ZFHX3: variants seen among roughly 807,000 people sequenced by gnomAD.
ZFHX3 encodes the protein zinc finger homeobox 3.
Under a neutral mutation model 279.1 loss-of-function variants are expected in ZFHX3, and 42 were observed. The ratio of observed to expected loss-of-function variants is 0.15; its 90% CI spans 0.12 to 0.19. The LOEUF is 0.19. Ranked by LOEUF, ZFHX3 falls within the 10% of genes least tolerant of loss-of-function variation. The pLI is 1.00. For missense variants in ZFHX3, 4,981 were observed against 4,754.0 expected, an observed-to-expected ratio of 1.05 and a Z score of -1.40; for synonymous variants, 2,293 against 1,957.8, an observed-to-expected ratio of 1.17 and a Z score of -4.52.
chr16:72,963,653 CCT>C (rs1172728751), intron 1 of ZFHX3, among the ~76,000 whole-genome samples: 3 of 152,136 alleles, frequency 2.0e-5, no homozygotes, highest in African/African-American at 7.2e-5. Flanking sequence ...AAAACTCTAC[CCT>C]GTTACCCTGT....
At chr16:72,878,779 G>C (rs930201219) in intron 4 of ZFHX3, among the ~76,000 whole-genome samples, 2 of 152,190 alleles carry the variant, frequency 1.3e-5, no homozygotes, top group African/African-American at 4.8e-5. Context: ...CTGGGCCTCT[G>C]TACCAAGTCC....
chr16:73,165,647 C>T (rs1357776709), intron 5 of ZFHX3, among the ~76,000 whole-genome samples: 4 of 152,286 alleles, frequency 2.6e-5, no homozygotes, highest in African/African-American at 9.6e-5. Flanking sequence ...AATGGCAAAT[C>T]GCTGGAGTCT....
intron 2 of ZFHX3, among the ~76,000 whole-genome samples, chr16:73,505,191 T>C (rs1416236134): frequency 1.3e-5 from 2 of 152,152 alleles, no homozygotes; most frequent in Admixed American, 1.3e-4. Context: ...CAGATGAATG[T>C]GCTTGAAAAA....
chr16:73,463,724 A>T (rs1006183478), intron 2 of ZFHX3, among the ~76,000 whole-genome samples: 1 of 152,158 alleles, frequency 6.6e-6, no homozygotes, highest in African/African-American at 2.4e-5. Context: ...CCCTCATATC[A>T]TGAAGCACCA....
Position 72,950,746 on chromosome 16 carries a change from A to G in ZFHX3, c.2939T>C (p.Met980Thr), listed in dbSNP as rs891350747. 6.2e-7 allele frequency: 1 copy of G among 1,614,120 alleles called. No homozygotes were observed. The highest frequency in any genetic ancestry group is 1.7e-5 in the Admixed American group (1 of 60,016). Residue 980 changes from methionine (M) to threonine (T), a missense_variant, in exon 3 of 10, where the codon ATG (methionine) becomes ACG (threonine). Met to Thr is a moderately conservative substitution (Grantham distance 81). This residue lies in a region of ZFHX3 where 1,751 missense variants were observed against 1,770.0 expected (regional missense o/e 0.99). Transcript: ENST00000268489. ...SLSEDEWKAV[M>T]GDSYQCKLCR... ...GAGCTTGCACTGGTATGAGTCCCCC[A>G]TCACCGCCTTCCACTCGTCCTCCGA...
chr16:73,344,808 C>T (rs533900971), intron 3 of ZFHX3, among the ~76,000 whole-genome samples: 2 of 152,110 alleles, frequency 1.3e-5, no homozygotes, highest in South Asian at 4.2e-4. Context: ...TGGGGAAGCT[C>T]GATGAAGAGT....
At chr16:73,680,164 G>GAA (rs1218201833) in intron 2 of ZFHX3, 9 of 151,888 alleles carry the variant, frequency 5.9e-5, no homozygotes, top group African/African-American at 1.7e-4. Flanking sequence ...AAACAAATTG[G>GAA]AACGCTTCTA....
At chr16:73,378,069 A>AAAAAT (rs2016755562) in intron 3 of ZFHX3, among the ~76,000 whole-genome samples, 6 of 145,326 alleles carry the variant, frequency 4.1e-5, no homozygotes, top group Non-Finnish European at 4.5e-5. Context: ...AAAAAAAAAA[A>AAAAAT]TCTTATACAC....
chr16:73,542,622 G>A (rs2020038560), intron 2 of ZFHX3, among the ~76,000 whole-genome samples: 1 of 152,116 alleles, frequency 6.6e-6, no homozygotes, highest in Admixed American at 6.5e-5. Context: ...GATATAGCAG[G>A]AAATATCTGG....
rs143161866 is a variant in ZFHX3 at position 73,542,855 on chromosome 16, C to CGT, written c.-1546-86599_-1546-86598dup. Among the ~76,000 whole-genome samples, 508 of 150,786 alleles carry CGT rather than the reference C, an allele frequency of 3.4e-3. 4 individuals carry two copies. The highest frequency in any genetic ancestry group is 9.5e-3 in the African/African-American group (392 of 41,230). On this transcript the variant is annotated intron_variant, in intron 2 of 17. Transcript: ENST00000641206. ...ATTTGGGAACCCTAAACCTTCAGAG[C>CGT]GTGTGTGTGTGTGTGTTGGGAAGGG...
chr16:73,637,084 A>G lies in ZFHX3; in HGVS notation c.-1547+43096T>C, dbSNP rs575039775. Reference sequence around the variant, plus strand: ...CAGATCAACAGAAAAAAATATGTAAAAATATACTTGAATATATATAAGAAT... The same window carrying G: ...CAGATCAACAGAAAAAAATATGTAAGAATATACTTGAATATATATAAGAAT... On this transcript the variant is annotated intron_variant, in intron 2 of 17. Transcript: ENST00000641206. Among the ~76,000 whole-genome samples, 7 of 152,176 alleles carry G rather than the reference A, an allele frequency of 4.6e-5. No homozygotes were observed. The South Asian group carries it at 1.4e-3, about 32-fold the overall frequency.
chr16:73,245,517 T>C (rs2013254966), intron 5 of ZFHX3, among the ~76,000 whole-genome samples: 1 of 152,174 alleles, frequency 6.6e-6, no homozygotes, highest in East Asian at 1.9e-4. Context: ...AGATGATGCC[T>C]TAAAAAAATA....
chr16:73,506,994 T>A (rs1183252125), intron 2 of ZFHX3, among the ~76,000 whole-genome samples: 1 of 152,174 alleles, frequency 6.6e-6, no homozygotes, highest in Non-Finnish European at 1.5e-5. Context: ...TCTGGTCTCT[T>A]CCACCGACGC....
At chr16:72,820,493 A>G (rs2036759939) in intron 5 of ZFHX3, among the ~76,000 whole-genome samples, 1 of 152,088 alleles carries the variant, frequency 6.6e-6, no homozygotes, top group South Asian at 2.1e-4. Flanking sequence ...CTGTTTAATA[A>G]ATTATAGGCA....
At chr16:73,311,182 A>C (rs909731438) in intron 4 of ZFHX3, among the ~76,000 whole-genome samples, 29 of 152,136 alleles carry the variant, frequency 1.9e-4, no homozygotes, top group Non-Finnish European at 3.8e-4. Context: ...GCAGAGAGCC[A>C]AGATCGCACC....
chr16:73,432,048 G>T (rs1390834719), intron 3 of ZFHX3, among the ~76,000 whole-genome samples: 1 of 152,148 alleles, frequency 6.6e-6, no homozygotes. Flanking sequence ...GTCACCCTGA[G>T]CACAGGGGAA....
chr16:73,055,692 G>GCACACACACACACA (rs1232763125), intron 1 of ZFHX3, among the ~76,000 whole-genome samples: 19 of 95,306 alleles, frequency 2.0e-4, no homozygotes, highest in African/African-American at 4.7e-4. Context: ...GCGCGCGCGC[G>GCACACACACACACA]CGCGCGCACA....
intron 1 of ZFHX3, among the ~76,000 whole-genome samples, chr16:72,987,822 G>A (rs1213151088): frequency 5.3e-5 from 8 of 152,114 alleles, no homozygotes; most frequent in African/African-American, 1.9e-4. Context: ...GGGAATCTGA[G>A]GCTTCCCTAG....
intron 3 of ZFHX3, among the ~76,000 whole-genome samples, chr16:73,377,049 G>A (rs1299709938): frequency 1.3e-5 from 2 of 148,520 alleles, no homozygotes; most frequent in African/African-American, 5.0e-5. Flanking sequence ...TTGGCTCACT[G>A]GAACCTCCAC....
Sources: gnomAD v4.1 joint callset for allele counts (sites outside exome capture counted in the v4.1 genomes callset) on GRCh38, gnomAD v4.1.1 for gene constraint, gnomAD v4.1.1 regional missense constraint, MANE v1.5 for transcripts, NCBI Gene and HGNC (gene_info 2026-07-23, HGNC 2026-07-21) for gene names.